PRR13: variants seen among roughly 807,000 people sequenced by gnomAD.
PRR13 encodes the protein proline-rich protein 13.
PRR13 carries 7 observed loss-of-function variants against 11.5 expected under a neutral mutation model. The observed-to-expected ratio is 0.61, with a 90% confidence interval of 0.34 to 1.14. The LOEUF (loss-of-function observed/expected upper bound fraction) is 1.14. Ranked by LOEUF, PRR13 falls within the 50% of genes most tolerant of loss-of-function variation. PRR13 has a pLI of 0.03. For synonymous variants in PRR13, 53 were observed against 67.8 expected (o/e 0.78, Z 1.07); for missense variants, 155 against 194.4 (o/e 0.80, Z 1.21).
chr12:53,443,331 GTTGT>G (rs1940333477), intron 2 of PRR13, 56 bp from the exon 3 acceptor site: 2 of 1,294,658 alleles, frequency 1.5e-6, no homozygotes, highest in African/African-American at 1.5e-5. Context: ...CTTTCTTTTT[GTTGT>G]TTGTTGTTGG....
At chr12:53,444,019 C>T in intron 3 of PRR13, 1 of 535,142 alleles carries the variant, frequency 1.9e-6, no homozygotes, top group South Asian at 4.2e-5. Flanking sequence ...ATTTTAGAAT[C>T]AAAAGCCAAA....
At chr12:53,445,919 T>G in intron 3 of PRR13, 96 bp from the exon 4 acceptor site, 1 of 1,581,436 alleles carries the variant, frequency 6.3e-7, no homozygotes, top group Admixed American at 1.7e-5. Context: ...GATACTTGGG[T>G]GGAGGGGTGG....
At chr12:53,442,086 G>C (rs1380023832) in intron 1 of PRR13, 5 of 479,820 alleles carry the variant, frequency 1.0e-5, no homozygotes, top group Non-Finnish European at 1.8e-5. Flanking sequence ...TCCAGGGAAA[G>C]GGAGATGAGT....
Position 53,443,421 on chromosome 12 carries a change from A to G in PRR13, c.50A>G (p.Asn17Ser), listed in dbSNP as rs1005542632. 22 of 1,423,170 alleles carry G rather than the reference A, an allele frequency of 1.5e-5. No homozygotes were observed. The highest frequency in any genetic ancestry group is 2.5e-5 in the East Asian group (1 of 39,586). 88.2% of individuals were successfully genotyped at this position (1,423,170 alleles called of 1,614,324 possible). Residue 17 changes from asparagine to serine, a missense_variant, in exon 3 of 4, where the codon AAT (asparagine) becomes AGT (serine). Coordinates refer to ENST00000429243, the MANE Select transcript of PRR13 (RefSeq NM_018457.4). ...GQPGPNPYPP[N>S]IGCPGGSNPA... ...CCAGGGCCAAATCCATATCCCCCCA[A>G]TATTGGGTGCCCTGGAGGTTCCAAT...
In PRR13 at chr12:53,443,766, A is replaced by G; in HGVS notation, c.395A>G (p.His132Arg). The stretch of plus-strand genomic sequence containing the variant: ...CAAAAGCACCACAAGTACCACAAGC[A>G]TGGCAAGGTCAGTACCCTCTGGAGA... ...KHQKHHKYHK[H>R]GKHSSSSSSS... Residue 132 changes from histidine to arginine, a missense_variant, in exon 3 of 4, where the codon CAT becomes CGT. Transcript: ENST00000429243. 3 of 1,604,626 alleles carry G rather than the reference A, an allele frequency of 1.9e-6. No homozygotes were observed. The highest frequency in any genetic ancestry group is 2.6e-6 in the Non-Finnish European group (3 of 1,175,244).
At chr12:53,443,108 C>CCCAAAGT in intron 2 of PRR13, 1 of 384,650 alleles carries the variant, frequency 2.6e-6, no homozygotes, top group South Asian at 7.5e-5. Context: ...CTGTCCACCT[C>CCCAAAGT]GGCCTCCCAA....
chr12:53,442,278 T>C, intron 1 of PRR13: 1 of 217,954 alleles, frequency 4.6e-6, no homozygotes, highest in Non-Finnish European at 9.2e-6. Flanking sequence ...GGTGTCTTGC[T>C]CCGTCGCCCA....
intron 3 of PRR13, among the ~76,000 whole-genome samples, chr12:53,444,329 GTTTTTTT>G (rs959231725): frequency 7.6e-6 from 1 of 131,350 alleles, no homozygotes; most frequent in African/African-American, 3.0e-5. Context: ...GACTAAGGAG[GTTTTTTT>G]TTTTTTTTTT....
At position 53,443,623 on chromosome 12, in the gene PRR13, T is replaced by TG; in HGVS notation, c.253dup (p.Ala85GlyfsTer34). ...CCTACCCTCCTCCATACCCACCGCC[T>TG]GCCCCTGGAATCCCTCCTGTGAATC... On this transcript the variant is annotated frameshift_variant, in exon 3 of 4. Transcript: ENST00000429243. LOFTEE classifies it high-confidence loss of function. 1 of 1,614,058 alleles carries TG rather than the reference T, an allele frequency of 6.2e-7. No homozygotes were observed. Among genetic ancestry groups the TG allele is most frequent in the Middle Eastern group, 1.7e-4 (1 of 6,060 alleles).
In PRR13 at chr12:53,441,801, G is replaced by T; in HGVS notation, c.-21+9G>T. ...CAGGCGGCGGTGGAAAGGTGATGGG[G>T]TATCTGGATTCCATAGGTTTTTCCT... On this transcript the variant is annotated intron_variant, in intron 1 of 3. Transcript: ENST00000429243. 1 of 702,354 alleles carries T rather than the reference G, an allele frequency of 1.4e-6. No individual in the cohort carries two copies. Among genetic ancestry groups the T allele is most frequent in the Non-Finnish European group, 2.6e-6 (1 of 384,830 alleles). 43.5% of individuals were successfully genotyped at this position (702,354 alleles called of 1,614,324 possible).
Position 53,442,832 on chromosome 12 carries a change from ACCCGCAAAAGCAAAGTCCTTAGTCTAGAG to A in PRR13, c.19+101_19+129del, listed in dbSNP as rs1274157798. 2.1e-5 allele frequency: 28 copies of A among 1,332,794 alleles called. No homozygotes were observed. The African/African-American group carries it at 4.0e-4, about 19-fold the overall frequency. 82.6% of individuals were successfully genotyped at this position (1,332,794 alleles called of 1,614,324 possible). On this transcript the variant is annotated intron_variant, in intron 2 of 3. Coordinates refer to ENST00000429243, the MANE Select transcript of PRR13 (RefSeq NM_018457.4). ...AGCTCCCCTACCCCCGACCTGCTGTACCCGCAAAAGCAAAGTCCTTAGTCTAGAGCTGACCAGTGCTTTTTAATTTAATT... is the reference window on the plus strand; with the variant it reads ...AGCTCCCCTACCCCCGACCTGCTGTACTGACCAGTGCTTTTTAATTTAATT...
In PRR13 at chr12:53,445,081, G is replaced by C. The variant is rs530772302; in HGVS notation, c.403-934G>C. Among the ~76,000 whole-genome samples, 6 of 152,238 alleles carry C rather than the reference G, an allele frequency of 3.9e-5. No homozygotes were observed. In the South Asian group the frequency reaches 1.2e-3, roughly 32 times the overall value. ...AAATCTGAAGAGAAGGCTGTGCGCC[G>C]TGGTCCACACCTGTAATCCCAGCAC... On this transcript the variant is annotated intron_variant, in intron 3 of 3. Transcript: ENST00000429243.
At chr12:53,442,645 C>T (rs1565846770) in intron 1 of PRR13, 50 bp from the exon 2 acceptor site, 1 of 1,525,010 alleles carries the variant, frequency 6.6e-7, no homozygotes, top group East Asian at 2.3e-5. Context: ...GCTAAGTCCA[C>T]TTCCTACCTC....
At chr12:53,445,943 G>A (rs1940391024) in intron 3 of PRR13, 72 bp from the exon 4 acceptor site, 1 of 1,611,690 alleles carries the variant, frequency 6.2e-7, no homozygotes, top group Non-Finnish European at 8.5e-7. Context: ...ACCAAAGAAT[G>A]GCCCACGGAG....
At chr12:53,442,187 G>T in intron 1 of PRR13, 1 of 300,726 alleles carries the variant, frequency 3.3e-6, no homozygotes, top group South Asian at 5.6e-5. Flanking sequence ...CTAGATTCCT[G>T]TGTTAGGAAC....
At chr12:53,442,106 G>T in intron 1 of PRR13, 1 of 442,142 alleles carries the variant, frequency 2.3e-6, no homozygotes, top group South Asian at 3.4e-5. Context: ...TGATGGTGGG[G>T]CCGAGACTCG....
chr12:53,445,913 C>G, intron 3 of PRR13, 102 bp from the exon 4 acceptor site: 1 of 1,566,314 alleles, frequency 6.4e-7, no homozygotes, highest in Non-Finnish European at 8.8e-7. Flanking sequence ...GCAAGGGATA[C>G]TTGGGTGGAG....
Position 53,442,736 on chromosome 12 carries a change from A to C in PRR13, c.19+3A>C, listed in dbSNP as rs1320465110. On this transcript the variant is annotated splice_donor_region_variant and intron_variant, in intron 2 of 3. Coordinates refer to ENST00000429243, the MANE Select transcript of PRR13 (RefSeq NM_018457.4). ...AAACATGTGGAATCCCAATGCCGGTAGGTGTTTGGGGGTTCTGTTCCACCC... is the reference window on the plus strand; with the variant it reads ...AAACATGTGGAATCCCAATGCCGGTCGGTGTTTGGGGGTTCTGTTCCACCC... 6.2e-7 allele frequency: 1 copy of C among 1,610,556 alleles called. No homozygotes were observed. The highest frequency in any genetic ancestry group is 8.5e-7 in the Non-Finnish European group (1 of 1,176,816).
chr12:53,442,898 T>G lies in PRR13; in HGVS notation c.19+165T>G, dbSNP rs961506073. 18 of 561,504 alleles carry G rather than the reference T, an allele frequency of 3.2e-5. No individual in the cohort carries two copies. In the Admixed American group the frequency reaches 7.2e-4, roughly 22 times the overall value. The allele number at this position is 561,504 out of a possible 1,614,324, so 34.8% of individuals were successfully genotyped here. A position where few individuals can be genotyped will look rare whatever the true frequency, so the allele number is the denominator to read the frequency against. On this transcript the variant is annotated intron_variant, in intron 2 of 3. Transcript: ENST00000429243. Reference sequence around the variant, plus strand: ...TTTTTAATTTAATTTAATTTATTTATTTTTTGAGATGGAGTCTCTGTTGCC... The same window carrying G: ...TTTTTAATTTAATTTAATTTATTTAGTTTTTGAGATGGAGTCTCTGTTGCC...
Sources: gnomAD v4.1 joint callset for allele counts (sites outside exome capture counted in the v4.1 genomes callset) on GRCh38, gnomAD v4.1.1 for gene constraint, MANE v1.5 for transcripts, NCBI Gene and HGNC (gene_info 2026-07-23, HGNC 2026-07-21) for gene names.